Variants in SPAST observed in about 807,000 individuals in gnomAD.
SPAST encodes spastin, also known as spastic paraplegia 4 (autosomal dominant; spastin).
SPAST carries 30 observed loss-of-function variants against 76.6 expected under a neutral mutation model. The observed-to-expected ratio is 0.39, with a 90% confidence interval of 0.29 to 0.53. The LOEUF (loss-of-function observed/expected upper bound fraction) is 0.53. Among genes scored for constraint, SPAST ranks in the 20% least tolerant of loss-of-function variants. SPAST has a pLI of 0.68. For missense variants in SPAST, 717 were observed against 770.5 expected, an observed-to-expected ratio of 0.93 and a Z score of 0.82; for synonymous variants, 305 against 281.0, an observed-to-expected ratio of 1.09 and a Z score of -0.86.
In SPAST at chr2:32,091,111, G is replaced by A. The variant is rs192403975; in HGVS notation, c.586+1506G>A. On this transcript the variant is annotated intron_variant, in intron 3 of 16. Coordinates refer to ENST00000315285, the MANE Select transcript of SPAST (RefSeq NM_014946.4). The stretch of plus-strand genomic sequence containing the variant: ...GAACAAAACCTACTACATATGAGTG[G>A]CTCTACCATACGTTGGTGGATGGAA... Among the ~76,000 whole-genome samples the A allele has an allele frequency of 9.9e-4, 150 of 151,980 alleles. 1 individual carries two copies. Among genetic ancestry groups the A allele is most frequent in the African/African-American group, 3.6e-3 (148 of 41,502 alleles).
At chr2:32,120,572 C>CTTTTTT (rs36066356) in intron 7 of SPAST, among the ~76,000 whole-genome samples, 1 of 131,202 alleles carries the variant, frequency 7.6e-6, no homozygotes, top group Non-Finnish European at 1.6e-5. Flanking sequence ...TAACTCAGGT[C>CTTTTTT]TTTTTTTTTT....
chr2:32,077,511 C>T (rs1435654355), intron 1 of SPAST, among the ~76,000 whole-genome samples: 2 of 152,110 alleles, frequency 1.3e-5, no homozygotes, highest in African/African-American at 4.8e-5. Context: ...TGCCACAAGT[C>T]AGAGTTAGGT....
intron 15 of SPAST, among the ~76,000 whole-genome samples, chr2:32,146,490 G>A (rs1046548786): frequency 2.0e-5 from 3 of 152,086 alleles, no homozygotes; most frequent in African/African-American, 7.2e-5. Context: ...GAGCCTGGAA[G>A]GTGCAGGCAG....
chr2:32,076,882 G>A (rs1372454671), intron 1 of SPAST, among the ~76,000 whole-genome samples: 1 of 149,334 alleles, frequency 6.7e-6, no homozygotes, highest in South Asian at 2.1e-4. Context: ...TTTGTTTTTT[G>A]TTTTTTTTTC....
chr2:32,125,615 T>TA (rs2148743457), intron 7 of SPAST, among the ~76,000 whole-genome samples: 1 of 152,186 alleles, frequency 6.6e-6, no homozygotes, highest in South Asian at 2.1e-4. Context: ...AGGTGAGATG[T>TA]TTTCAGTCTG....
chr2:32,122,209 A>AG (rs1219152551), intron 7 of SPAST, among the ~76,000 whole-genome samples: 1 of 152,182 alleles, frequency 6.6e-6, no homozygotes, highest in African/African-American at 2.4e-5. Context: ...AGAATTTTCT[A>AG]GTCTCTTGTT....
intron 1 of SPAST, among the ~76,000 whole-genome samples, chr2:32,066,928 C>T (rs974159327): frequency 1.7e-5 from 2 of 120,068 alleles, no homozygotes; most frequent in African/African-American, 6.5e-5. Flanking sequence ...GAGCTGAGAT[C>T]GTGCAACTGC....
rs1678746408 is a variant in SPAST, at chr2:32,114,507, C to T, written c.683-131C>T. ...CTATGAAGATCCTGGTACATGTTCT[C>T]ATTGAAATCTTATTTTGAAATATTT... On this transcript the variant is annotated intron_variant, in intron 4 of 16. Coordinates refer to ENST00000315285, the MANE Select transcript of SPAST (RefSeq NM_014946.4). 6.8e-6 allele frequency: 5 copies of T among 730,886 alleles called. No individual in the cohort carries two copies. The South Asian group carries it at 6.9e-5, about 10-fold the overall frequency. The allele number at this position is 730,886 out of a possible 1,614,324, so 45.3% of individuals were successfully genotyped here. A position where few individuals can be genotyped will look rare whatever the true frequency, so the allele number is the denominator to read the frequency against.
At chr2:32,147,134 G>C in intron 15 of SPAST, 84 bp from the exon 16 acceptor site, 1 of 852,250 alleles carries the variant, frequency 1.2e-6, no homozygotes, top group Admixed American at 1.7e-5. Flanking sequence ...GATACATGTA[G>C]ATCATTGTAC....
chr2:32,071,911 A>C (rs988856290), intron 1 of SPAST, among the ~76,000 whole-genome samples: 18 of 152,212 alleles, frequency 1.2e-4, no homozygotes, highest in African/African-American at 4.3e-4. Context: ...CTCCTGGTTC[A>C]GGTAAAAGAC....
intron 4 of SPAST, among the ~76,000 whole-genome samples, chr2:32,106,005 T>C (rs1049238746): frequency 2.6e-5 from 4 of 152,218 alleles, no homozygotes; most frequent in African/African-American, 7.2e-5. Context: ...CAGGGACCTT[T>C]AAGTCTGTAG....
Position 32,137,115 on chromosome 2 carries a change from T to C in SPAST, c.1420T>C (p.Ser474Pro). 6.2e-7 allele frequency: 1 copy of C among 1,613,624 alleles called. No individual in the cohort carries two copies. Among genetic ancestry groups the C allele is most frequent in the East Asian group, 2.2e-5 (1 of 44,846 alleles). Residue 474 changes from serine to proline, a missense_variant, in exon 12 of 17, where the codon TCT (serine) becomes CCT (proline). Around this residue, in one of 3 missense-constraint regions of SPAST, gnomAD observed 78 missense variants for 197.6 expected, o/e 0.39. Transcript: ENST00000315285. ...AAAGATTTTTTGCTTGTAGGTACAGTCTGCTGGAGATGACAGAGTACTTGT... is the reference window on the plus strand; with the variant it reads ...AAAGATTTTTTGCTTGTAGGTACAGCCTGCTGGAGATGACAGAGTACTTGT... The part of the protein sequence containing the change: ...EFLIEFDGVQ[S>P]AGDDRVLVMG...
At chr2:32,066,694 C>T (rs2148688450) in intron 1 of SPAST, among the ~76,000 whole-genome samples, 1 of 151,836 alleles carries the variant, frequency 6.6e-6, no homozygotes, top group East Asian at 1.9e-4. Flanking sequence ...TCATTTTTGG[C>T]TGGGCACGGT....
At chr2:32,146,491 G>T (rs995252254) in intron 15 of SPAST, among the ~76,000 whole-genome samples, 2 of 152,036 alleles carry the variant, frequency 1.3e-5, no homozygotes, top group Admixed American at 6.6e-5. Context: ...AGCCTGGAAG[G>T]TGCAGGCAGC....
rs559652721 is a variant in SPAST, at chr2:32,155,723, A to T, written c.*1227A>T. The T allele has an allele frequency of 6.6e-6, 1 of 152,576 alleles. No homozygotes were observed. Among genetic ancestry groups the T allele is most frequent in the African/African-American group, 2.4e-5 (1 of 41,464 alleles). 9.5% of individuals were successfully genotyped at this position (152,576 alleles called of 1,614,324 possible). On this transcript the variant is annotated 3_prime_UTR_variant, in exon 17 of 17. Transcript: ENST00000315285. ...ATGTCATTGTAGGGAGTAGAGACTC[A>T]TATCATGGCCTTTTAAATATTGTAA...
chr2:32,095,603 T>C (rs1319531391), intron 3 of SPAST, among the ~76,000 whole-genome samples: 1 of 149,466 alleles, frequency 6.7e-6, no homozygotes, highest in East Asian at 2.0e-4. Context: ...GGAGTGGTGA[T>C]GTGCACCTGT....
At chr2:32,140,913 T>C (rs749657113) in intron 12 of SPAST, among the ~76,000 whole-genome samples, 8 of 150,952 alleles carry the variant, frequency 5.3e-5, no homozygotes, top group Admixed American at 1.3e-4. Flanking sequence ...TTTTGTTTGC[T>C]CTTTTTTGGG....
chr2:32,083,995 T>A (rs1677370230), intron 1 of SPAST, among the ~76,000 whole-genome samples: 1 of 150,256 alleles, frequency 6.7e-6, no homozygotes, highest in East Asian at 2.0e-4. Flanking sequence ...TCCAGGCTGG[T>A]CTTCAACTCC....
At chr2:32,084,680 G>A (rs1316920402) in intron 1 of SPAST, among the ~76,000 whole-genome samples, 1 of 151,428 alleles carries the variant, frequency 6.6e-6, no homozygotes, top group Non-Finnish European at 1.5e-5. Context: ...GAGGTCGGGA[G>A]TTTGAGTCCA....
Sources: gnomAD v4.1 joint callset for allele counts (sites outside exome capture counted in the v4.1 genomes callset) on GRCh38, gnomAD v4.1.1 for gene constraint, gnomAD v4.1.1 regional missense constraint, MANE v1.5 for transcripts, NCBI Gene and HGNC (gene_info 2026-07-23, HGNC 2026-07-21) for gene names.